The following BRI3 variants were observed in gnomAD, a reference collection of about 807,000 sequenced individuals.
BRI3 encodes membrane protein BRI3.
Under a neutral mutation model 12.8 loss-of-function variants are expected in BRI3, and 6 were observed. That is an observed-to-expected ratio of 0.47 (90% CI 0.26 to 0.93). The LOEUF (loss-of-function observed/expected upper bound fraction) is 0.93. BRI3 is among the 40% of genes least tolerant of loss of function. The probability of loss-of-function intolerance (pLI) is 0.15; values close to 1 mark genes in which losing one functional copy is unlikely to be tolerated. For synonymous variants in BRI3, 91 were observed against 76.1 expected, an observed-to-expected ratio of 1.20 and a Z score of -1.02; for missense variants, 134 against 171.1, an observed-to-expected ratio of 0.78 and a Z score of 1.21.
downstream of BRI3, among the ~76,000 whole-genome samples, chr7:98,297,707 G>A (rs763264230): frequency 1.3e-5 from 2 of 152,196 alleles, no homozygotes; most frequent in Non-Finnish European, 2.9e-5. Context: ...CAACTGCTCC[G>A]AGCCACTGGG....
rs533190949 is a variant in BRI3, at chr7:98,282,460, G to C, written c.245+7G>C. 2.5e-6 allele frequency: 4 copies of C among 1,610,060 alleles called. No individual in the cohort carries two copies. The Admixed American group carries it at 6.7e-5, about 27-fold the overall frequency. On this transcript the variant is annotated splice_region_variant and intron_variant, in intron 2 of 2. Coordinates refer to ENST00000297290, the MANE Select transcript of BRI3 (RefSeq NM_015379.5). ...GAGGCTGTCCTGTCTGCAGGTGAGT[G>C]GGTCTGCAGCCTGGGGACTGGCCCT...
chr7:98,291,286 T>C lies in BRI3; in HGVS notation c.*43T>C. On this transcript the variant is annotated 3_prime_UTR_variant, in exon 3 of 3. Transcript: ENST00000297290. ...GCTTTCCTACACCCAGCTCTCTTTT[T>C]CTAATGTAAATGTTGTGTACAATAA... is the stretch of plus-strand genomic sequence containing the variant. 1 of 1,610,642 alleles carries C rather than the reference T, an allele frequency of 6.2e-7. No individual in the cohort carries two copies. The highest frequency in any genetic ancestry group is 8.5e-7 in the Non-Finnish European group (1 of 1,179,162).
downstream of BRI3, among the ~76,000 whole-genome samples, chr7:98,294,772 TA>T (rs2116779287): frequency 6.6e-6 from 1 of 152,258 alleles, no homozygotes; most frequent in East Asian, 1.9e-4. Context: ...TTGGGGCTGC[TA>T]GAGCCAGGGA....
intron 2 of BRI3, chr7:98,282,671 A>G (rs1038334517): frequency 1.9e-6 from 1 of 537,638 alleles, no homozygotes; most frequent in Admixed American, 3.5e-5. Flanking sequence ...TGGGGGCAAA[A>G]GGGTGGATTC....
chr7:98,288,812 T>G (rs1799798026), intron 2 of BRI3, among the ~76,000 whole-genome samples: 1 of 151,688 alleles, frequency 6.6e-6, no homozygotes, highest in South Asian at 2.1e-4. Context: ...CCCAGGCTGG[T>G]TTTGAACTGC....
chr7:98,282,662 G>C lies in BRI3; in HGVS notation c.245+209G>C, dbSNP rs567801588. 44 of 545,500 alleles carry C rather than the reference G, an allele frequency of 8.1e-5. No homozygotes were observed. The Admixed American group carries it at 1.5e-3, about 18-fold the overall frequency. The allele number at this position is 545,500 out of a possible 1,614,324, so 33.8% of individuals were successfully genotyped here. ...ACCCTTGGCTCTGAACACATTTTGT[G>C]GGGGCAAAAGGGTGGATTCCTTTTC... On this transcript the variant is annotated intron_variant, in intron 2 of 2. Coordinates refer to ENST00000297290, the MANE Select transcript of BRI3 (RefSeq NM_015379.5).
chr7:98,289,209 C>T (rs1197535915), intron 2 of BRI3, among the ~76,000 whole-genome samples: 6 of 152,206 alleles, frequency 3.9e-5, no homozygotes, highest in African/African-American at 1.2e-4. Flanking sequence ...CCACCCACCT[C>T]GGCCTCCCAA....
At chr7:98,292,480 A>G (rs1303380962), downstream of BRI3, 8 of 703,144 alleles carry the variant, frequency 1.1e-5, no homozygotes, top group South Asian at 5.9e-5. Flanking sequence ...AATTTTAACC[A>G]TGACTCTCCA....
At chr7:98,310,388 C>T in exon 2 of BRI3, 1 of 1,529,180 alleles carries the variant, frequency 6.5e-7, no homozygotes. Flanking sequence ...TATTTCACAG[C>T]TTATCTTAAA....
chr7:98,296,547 C>T (rs1800199489), downstream of BRI3, among the ~76,000 whole-genome samples: 1 of 152,184 alleles, frequency 6.6e-6, no homozygotes, highest in Non-Finnish European at 1.5e-5. Context: ...ATCGCTTGAA[C>T]AGGGAGGCAG....
intron 2 of BRI3, among the ~76,000 whole-genome samples, chr7:98,287,412 C>G (rs1437052892): frequency 6.6e-6 from 1 of 152,184 alleles, no homozygotes; most frequent in African/African-American, 2.4e-5. Flanking sequence ...GACAGAAATT[C>G]CGTGGGTTGG....
intron 2 of BRI3, among the ~76,000 whole-genome samples, chr7:98,284,019 G>C (rs577465555): frequency 1.3e-5 from 2 of 152,350 alleles, no homozygotes; most frequent in South Asian, 2.1e-4. Context: ...CGCTAACCTG[G>C]AGGTGCTCTC....
At chr7:98,293,407 A>ATTAAT, downstream of BRI3, 1 of 938,258 alleles carries the variant, frequency 1.1e-6, no homozygotes, top group Non-Finnish European at 1.7e-6. Context: ...AGGCGACATT[A>ATTAAT]GAGTTAGGCC....
At chr7:98,282,827 T>C (rs1799573615) in intron 2 of BRI3, 1 of 211,068 alleles carries the variant, frequency 4.7e-6, no homozygotes, top group South Asian at 7.2e-5. Context: ...AAGTTTACTC[T>C]GCAGTTGATC....
chr7:98,319,988 G>GT, the BRI3 span: 1 of 1,278,094 alleles, frequency 7.8e-7, no homozygotes, highest in Non-Finnish European at 1.1e-6. Context: ...TCAACAGTGG[G>GT]AACGAGTTCT....
At chr7:98,295,192 G>T (rs7783403), downstream of BRI3, among the ~76,000 whole-genome samples, 5 of 152,158 alleles carry the variant, frequency 3.3e-5, no homozygotes, top group African/African-American at 1.2e-4. Flanking sequence ...TGGAGGCCCA[G>T]GCCAGGCCTC....
chr7:98,312,003 G>A (rs1800890744), downstream of BRI3: 2 of 1,284,376 alleles, frequency 1.6e-6, no homozygotes, highest in Non-Finnish European at 1.1e-6. Context: ...AGTAATAAAG[G>A]GGGACCTGTG....
At chr7:98,321,236 A>G in the BRI3 span, among the ~76,000 whole-genome samples, 2 of 152,182 alleles carry the variant, frequency 1.3e-5, no homozygotes, top group Non-Finnish European at 2.9e-5. Context: ...ATTGTCTCAC[A>G]AATGATTACT....
intron 2 of BRI3, among the ~76,000 whole-genome samples, chr7:98,287,868 G>A (rs945245509): frequency 2.0e-5 from 3 of 152,138 alleles, no homozygotes; most frequent in Middle Eastern, 3.2e-3. Context: ...GGCTCCAGCC[G>A]GGCTCCCCAC....
Sources: allele counts gnomAD v4.1 joint callset (sites outside exome capture counted in the v4.1 genomes callset), GRCh38; gene constraint gnomAD v4.1.1; transcripts MANE v1.5; gene names NCBI Gene and HGNC (gene_info 2026-07-23, HGNC 2026-07-21).